GRID2: variants seen among roughly 807,000 people sequenced by gnomAD.
GRID2 encodes glutamate receptor ionotropic, delta-2.
GRID2 carries 33 observed loss-of-function variants against 114.8 expected under a neutral mutation model. That is an observed-to-expected ratio of 0.29 (90% confidence interval 0.22 to 0.38). The LOEUF (loss-of-function observed/expected upper bound fraction) is 0.38, where lower values mean the gene tolerates loss of function less well. GRID2 is among the 10% of genes least tolerant of loss of function. The pLI is 1.00. For missense variants in GRID2, 1,184 were observed against 1,257.7 expected (o/e 0.94, Z 0.89); for synonymous variants, 505 against 449.9 (o/e 1.12, Z -1.55).
At chr4:92,749,060 C>G (rs1478191717) in intron 2 of GRID2, among the ~76,000 whole-genome samples, 3 of 151,822 alleles carry the variant, frequency 2.0e-5, no homozygotes, top group African/African-American at 4.8e-5. Context: ...GTGGCGCGAT[C>G]TTGGCTCACT....
chr4:93,207,474 C>G lies in GRID2; in HGVS notation c.789+17C>G, dbSNP rs1402176264. The G allele has an allele frequency of 8.0e-6, 12 of 1,507,584 alleles. No individual in the cohort carries two copies. The highest frequency in any genetic ancestry group is 1.1e-5 in the Non-Finnish European group (12 of 1,086,190). The allele number at this position is 1,507,584 out of a possible 1,614,324, so 93.4% of individuals were successfully genotyped here. On this transcript the variant is annotated intron_variant, in intron 5 of 15. Coordinates refer to ENST00000282020, the MANE Select transcript of GRID2 (RefSeq NM_001510.4). ...ATAAATGAGGTAAAGCCAACTAAAC[C>G]TTATTGTTAACTCTGTGTCCTTTTT... is the stretch of plus-strand genomic sequence containing the variant.
At chr4:92,617,942 A>G (rs370976454) in intron 2 of GRID2, among the ~76,000 whole-genome samples, 2 of 151,646 alleles carry the variant, frequency 1.3e-5, no homozygotes, top group South Asian at 4.2e-4. Flanking sequence ...TAGTGTGCAA[A>G]TATTTTCTTC....
At chr4:93,674,028 C>T (rs1294129114) in intron 14 of GRID2, among the ~76,000 whole-genome samples, 1 of 152,048 alleles carries the variant, frequency 6.6e-6, no homozygotes, top group Non-Finnish European at 1.5e-5. Flanking sequence ...TCTTGACCCC[C>T]ACATTGCTCC....
intron 1 of GRID2, among the ~76,000 whole-genome samples, chr4:92,423,393 A>T (rs901296229): frequency 2.0e-5 from 3 of 152,164 alleles, no homozygotes; most frequent in African/African-American, 7.2e-5. Context: ...TGTGTTGATT[A>T]GGCAGTTACA....
chr4:92,656,210 T>C (rs1245087466), intron 2 of GRID2, among the ~76,000 whole-genome samples: 4 of 151,786 alleles, frequency 2.6e-5, no homozygotes, highest in African/African-American at 7.2e-5. Context: ...AGCTTTTGTA[T>C]TTTTTATTTT....
intron 13 of GRID2, among the ~76,000 whole-genome samples, chr4:93,525,994 C>CAT (rs2149506459): frequency 6.6e-6 from 1 of 152,276 alleles, no homozygotes; most frequent in East Asian, 1.9e-4. Flanking sequence ...TTGGAAAATG[C>CAT]ATATATATTT....
intron 3 of GRID2, among the ~76,000 whole-genome samples, chr4:93,104,206 C>T (rs1731977182): frequency 6.6e-6 from 1 of 152,078 alleles, no homozygotes; most frequent in African/African-American, 2.4e-5. Context: ...AAAATACAGA[C>T]TTATGGATGA....
intron 1 of GRID2, among the ~76,000 whole-genome samples, chr4:92,534,650 C>A (rs1380996448): frequency 6.6e-6 from 1 of 152,072 alleles, no homozygotes; most frequent in Non-Finnish European, 1.5e-5. Context: ...GACACTATAA[C>A]AAATATTGCA....
At chr4:92,897,697 T>C (rs566053512) in intron 2 of GRID2, among the ~76,000 whole-genome samples, 34 of 152,312 alleles carry the variant, frequency 2.2e-4, no homozygotes, top group African/African-American at 8.2e-4. Context: ...TGTATTACTT[T>C]ATAAGTTTGG....
At chr4:92,520,606 C>T (rs1724721569) in intron 1 of GRID2, among the ~76,000 whole-genome samples, 1 of 151,938 alleles carries the variant, frequency 6.6e-6, no homozygotes, top group African/African-American at 2.4e-5. Flanking sequence ...GAATGGTATG[C>T]TAATAGGCGC....
intron 2 of GRID2, among the ~76,000 whole-genome samples, chr4:92,949,502 T>C (rs1042768236): frequency 1.3e-5 from 2 of 151,926 alleles, no homozygotes; most frequent in African/African-American, 2.4e-5. Context: ...TAGTTTATGA[T>C]TGACTGTCTT....
chr4:92,798,236 AC>A (rs1388057136), intron 2 of GRID2, among the ~76,000 whole-genome samples: 1 of 151,998 alleles, frequency 6.6e-6, no homozygotes. Flanking sequence ...ATTTTGTAAG[AC>A]CTTGCCTAAT....
Position 93,486,216 on chromosome 4 carries a change from CTGA to C in GRID2, c.1859-4421_1859-4419del, listed in dbSNP as rs766173502. Among the ~76,000 whole-genome samples, 260 of 151,692 alleles carry C rather than the reference CTGA, an allele frequency of 1.7e-3. 1 individual carries two copies. Among genetic ancestry groups the C allele is most frequent in the Admixed American group, 2.8e-3 (42 of 15,204 alleles). On this transcript the variant is annotated intron_variant, in intron 11 of 15. Coordinates refer to ENST00000282020, the MANE Select transcript of GRID2 (RefSeq NM_001510.4). ...AACACTGATTCTGTAACATAGCAAG[CTGA>C]TAACTAATTTATTAATTTTAGTAAT...
At chr4:93,260,188 A>G (rs1750099848) in intron 8 of GRID2, among the ~76,000 whole-genome samples, 1 of 151,694 alleles carries the variant, frequency 6.6e-6, no homozygotes, top group Admixed American at 6.6e-5. Context: ...ATTCTGATAA[A>G]CTGTAAATCC....
chr4:93,674,931 GA>G (rs1420355061), intron 14 of GRID2, among the ~76,000 whole-genome samples: 5 of 152,114 alleles, frequency 3.3e-5, no homozygotes, highest in African/African-American at 4.8e-5. Flanking sequence ...ATGGATGGAA[GA>G]GGGGGGTATA....
chr4:93,455,607 A>G (rs1029584871), intron 10 of GRID2, 55 bp from the exon 11 acceptor site: 1 of 1,239,578 alleles, frequency 8.1e-7, no homozygotes, highest in African/African-American at 1.5e-5. Context: ...GAAGTGGCAC[A>G]AATGAAATTG....
At chr4:92,559,704 A>G (rs1210676491) in intron 1 of GRID2, among the ~76,000 whole-genome samples, 1 of 152,204 alleles carries the variant, frequency 6.6e-6, no homozygotes, top group African/African-American at 2.4e-5. Flanking sequence ...AAGTTATTAC[A>G]AATTTACATA....
At chr4:93,502,446 G>A (rs1012893838) in intron 12 of GRID2, among the ~76,000 whole-genome samples, 1 of 151,630 alleles carries the variant, frequency 6.6e-6, no homozygotes, top group Non-Finnish European at 1.5e-5. Flanking sequence ...CTGAATAACA[G>A]ATATCTTAAG....
At chr4:93,628,730 C>A (rs906168612) in intron 14 of GRID2, among the ~76,000 whole-genome samples, 3 of 148,988 alleles carry the variant, frequency 2.0e-5, no homozygotes, top group Non-Finnish European at 4.4e-5. Context: ...TTTTTCATTG[C>A]TAAAGATGTT....
Sources: gnomAD v4.1 joint callset for allele counts (sites outside exome capture counted in the v4.1 genomes callset) on GRCh38, gnomAD v4.1.1 for gene constraint, MANE v1.5 for transcripts, NCBI Gene and HGNC (gene_info 2026-07-23, HGNC 2026-07-21) for gene names.